ZNF648: variants seen among roughly 807,000 people sequenced by gnomAD.
ZNF648 encodes zinc finger protein 648.
A neutral mutation model predicts 0.3 loss-of-function variants in ZNF648; 1 was observed. The observed-to-expected ratio is 3.90, with a 90% CI of 1.39 to 18.51. The LOEUF (loss-of-function observed/expected upper bound fraction) is 18.51, where lower values mean the gene tolerates loss of function less well. ZNF648 is among the 30% of genes most tolerant of loss of function. The pLI is 0.11. For missense variants in ZNF648, 874 were observed against 769.7 expected (o/e 1.14, Z -1.60); for synonymous variants, 376 against 326.8 (o/e 1.15, Z -1.62).
At position 182,056,267 on chromosome 1, in the gene ZNF648, GGGAA is replaced by G; in HGVS notation, c.*33_*36del. ...CAATACCATGTGAGTGGGCCCACCT[GGGAA>G]GGTTCCAAGTAGTGAGGTCGACGAT... is the stretch of plus-strand genomic sequence containing the variant. On this transcript the variant is annotated 3_prime_UTR_variant, in exon 2 of 2. Coordinates refer to ENST00000339948, the MANE Select transcript of ZNF648 (RefSeq NM_001009992.1). The G allele has an allele frequency of 6.4e-7, 1 of 1,565,586 alleles. No homozygotes were observed. Among genetic ancestry groups the G allele is most frequent in the Non-Finnish European group, 8.7e-7 (1 of 1,154,148 alleles).
At position 182,057,076 on chromosome 1, in the gene ZNF648, C is replaced by T; in HGVS notation, c.935G>A (p.Cys312Tyr). 6.2e-7 allele frequency: 1 copy of T among 1,612,826 alleles called. No homozygotes were observed. The highest frequency in any genetic ancestry group is 8.5e-7 in the Non-Finnish European group (1 of 1,179,956). ...GGAGGACCAGGTGTAGGCCTTGTCG[C>T]AGAAGGAGCACTGGTAGGGCCGCTC... ...TGERPYQCSF[C>Y]DKAYTWSSDH... Residue 312 changes from cysteine to tyrosine, a missense_variant, in exon 2 of 2, where the codon TGC becomes TAC. Coordinates refer to ENST00000339948, the MANE Select transcript of ZNF648 (RefSeq NM_001009992.1).
the ZNF648 span, among the ~76,000 whole-genome samples, chr1:182,068,784 A>T: frequency 6.6e-6 from 1 of 151,144 alleles, no homozygotes; most frequent in Non-Finnish European, 1.5e-5. Flanking sequence ...AATTAGCTGG[A>T]TGTGGTGGCA....
At chr1:182,059,343 A>T (rs1178401282) in intron 1 of ZNF648, among the ~76,000 whole-genome samples, 5 of 152,168 alleles carry the variant, frequency 3.3e-5, no homozygotes, top group Non-Finnish European at 5.9e-5. Context: ...GCTTGAAGAC[A>T]TGGAGAAAGC....
In ZNF648 at chr1:182,056,767, G is replaced by A. The variant is rs766218745; in HGVS notation, c.1244C>T (p.Ser415Leu). The change falls in exon 2 of 2, where the codon TCG becomes TTG. Residue 415 changes from serine to leucine, a missense_variant. By Grantham distance (145) the Ser-to-Leu change is moderately radical. Transcript: ENST00000339948. ...SRMVEHQRVH[S>L]GERPFPCPTC... is the part of the protein sequence containing the mutation. ...GGGGCAGGGGAAGGGCCGCTCGCCC[G>A]AGTGCACGCGCTGGTGCTCCACCAT... 6 of 1,563,100 alleles carry A rather than the reference G, an allele frequency of 3.8e-6. No individual in the cohort carries two copies. Among genetic ancestry groups the A allele is most frequent in the South Asian group, 1.2e-5 (1 of 85,302 alleles).
intron 1 of ZNF648, among the ~76,000 whole-genome samples, chr1:182,060,577 C>T (rs908207093): frequency 6.6e-6 from 1 of 151,956 alleles, no homozygotes; most frequent in South Asian, 2.1e-4. Context: ...AGGGACCACT[C>T]CTCTTCTCTC....
At position 182,056,437 on chromosome 1, in the gene ZNF648, A is replaced by C. The variant is rs1236210712; in HGVS notation, c.1574T>G (p.Met525Arg). ...CTGGTAGGGCCTCTCTCCGTTGTGCATTCGTATGTGCTGGGCCAACTCAGA... is the reference window on the plus strand; with the variant it reads ...CTGGTAGGGCCTCTCTCCGTTGTGCCTTCGTATGTGCTGGGCCAACTCAGA... ...IASELAQHIR[M>R]HNGERPYQCE... Residue 525 changes from methionine (M) to arginine (R), a missense_variant, in exon 2 of 2, where the codon ATG becomes AGG. Physicochemically the swap from Met to Arg is moderately conservative, Grantham distance 91 (BLOSUM62 -1). Coordinates refer to ENST00000339948, the MANE Select transcript of ZNF648 (RefSeq NM_001009992.1). 6.2e-7 allele frequency: 1 copy of C among 1,614,018 alleles called. No homozygotes were observed. Among genetic ancestry groups the C allele is most frequent in the East Asian group, 2.2e-5 (1 of 44,832 alleles).
chr1:182,056,880 C>G lies in ZNF648; in HGVS notation c.1131G>C (p.Leu377=). 6.3e-7 allele frequency: 1 copy of G among 1,577,394 alleles called. No homozygotes were observed. Among genetic ancestry groups the G allele is most frequent in the Non-Finnish European group, 8.6e-7 (1 of 1,162,014 alleles). ...GCGTGCGCTGGTGGCGCAGCAGCGACAGCGGCTTGTTGAAGGTCAGGCCGC... is the reference window on the plus strand; with the variant it reads ...GCGTGCGCTGGTGGCGCAGCAGCGAGAGCGGCTTGTTGAAGGTCAGGCCGC... The part of the protein sequence containing the change: ...SECGLTFNKP[L]SLLRHQRTHL... The change falls in exon 2 of 2, where the codon CTG becomes CTC. Residue 377 remains leucine, a synonymous_variant. Transcript: ENST00000339948.
chr1:182,060,211 G>A (rs1666008724), intron 1 of ZNF648, among the ~76,000 whole-genome samples: 1 of 152,342 alleles, frequency 6.6e-6, no homozygotes. Context: ...TCAGAGCCAG[G>A]ACCCATGTTG....
chr1:182,057,661 G>C lies in ZNF648; in HGVS notation c.350C>G (p.Pro117Arg). The C allele has an allele frequency of 4.3e-6, 7 of 1,614,168 alleles. No individual in the cohort carries two copies. The highest frequency in any genetic ancestry group is 5.1e-6 in the Non-Finnish European group (6 of 1,180,030). ...GGAACCCAGAGCTCTGCTTGCTCCCGGGGAACCCTGGGTCTCGTTGATCTT... is the reference window on the plus strand; with the variant it reads ...GGAACCCAGAGCTCTGCTTGCTCCCCGGGAACCCTGGGTCTCGTTGATCTT... ...VTKINETQGSPGASRALGSLP... is the reference protein window; with the variant it reads ...VTKINETQGSRGASRALGSLP... Residue 117 changes from proline (P) to arginine (R), a missense_variant, in exon 2 of 2, where the codon CCG becomes CGG. Pro to Arg is a moderately radical substitution (Grantham distance 103). Transcript: ENST00000339948.
chr1:182,064,283 G>T (rs1018732309), upstream of ZNF648: 1 of 152,268 alleles, frequency 6.6e-6, no homozygotes, highest in African/African-American at 2.4e-5. Flanking sequence ...TCTATAAATT[G>T]CTTTGGGCAG....
In ZNF648 at chr1:182,057,386, G is replaced by GTGTA; in HGVS notation, c.621_624dup (p.Pro209TyrfsTer39). 1 of 1,613,522 alleles carries GTGTA rather than the reference G, an allele frequency of 6.2e-7. No individual in the cohort carries two copies. The highest frequency in any genetic ancestry group is 8.5e-7 in the Non-Finnish European group (1 of 1,180,004). On this transcript the variant is annotated frameshift_variant, in exon 2 of 2. Transcript: ENST00000339948. LOFTEE classifies it low-confidence loss of function (END_TRUNC). ...GCTGGGGTGGCCGACGCCTGGGCTG[G>GTGTA]TGTATGTGTCTCTTGCGTGGGAAGG...
At position 182,056,507 on chromosome 1, in the gene ZNF648, T is replaced by C; in HGVS notation, c.1504A>G (p.Lys502Glu). 1 of 1,613,974 alleles carries C rather than the reference T, an allele frequency of 6.2e-7. No homozygotes were observed. The highest frequency in any genetic ancestry group is 8.5e-7 in the Non-Finnish European group (1 of 1,179,970). Residue 502 changes from lysine (K) to glutamate (E), a missense_variant, in exon 2 of 2, where the codon AAG becomes GAG. Physicochemically the swap from Lys to Glu is moderately conservative, Grantham distance 56. Coordinates refer to ENST00000339948, the MANE Select transcript of ZNF648 (RefSeq NM_001009992.1). Reference sequence around the variant, plus strand: ...CCGCACTCGGCACAGAGGAATCCCTTCTCCCCGGAGTGGATCTGTTGGTGC... The same window carrying C: ...CCGCACTCGGCACAGAGGAATCCCTCCTCCCCGGAGTGGATCTGTTGGTGC... ...KRHQQIHSGE[K>E]GFLCAECGRA...
rs764482487 is a variant in ZNF648, at chr1:182,057,213, C to T, written c.798G>A (p.Leu266=). 1.9e-6 allele frequency: 3 copies of T among 1,567,392 alleles called. No individual in the cohort carries two copies. The highest frequency in any genetic ancestry group is 2.6e-6 in the Non-Finnish European group (3 of 1,163,062). ...GRAFQKPSKP[L]SPAETRGGAA... is the part of the protein sequence containing the mutation. ...CGCCGCCGCGCGTCTCCGCGGGGCT[C>T]AGCGGCTTGCTGGGCTTCTGAAAGG... The change falls in exon 2 of 2, where the codon CTG becomes CTA. Residue 266 remains leucine (L), a synonymous_variant. Transcript: ENST00000339948.
At position 182,056,331 on chromosome 1, in the gene ZNF648, C is replaced by T. The variant is rs1271798498; in HGVS notation, c.1680G>A (p.Glu560=). Residue 560 remains glutamate, a synonymous_variant, in exon 2 of 2, where the codon GAG becomes GAA. Coordinates refer to ENST00000339948, the MANE Select transcript of ZNF648 (RefSeq NM_001009992.1). ...HRAKHGTCKK[E]PIPSSSDE ...ACTCGTCAGAGGAGGAAGGGATGGG[C>T]TCCTTCTTGCAGGTGCCGTGCTTGG... 1.2e-6 allele frequency: 2 copies of T among 1,613,182 alleles called. No homozygotes were observed. Among genetic ancestry groups the T allele is most frequent in the Non-Finnish European group, 1.7e-6 (2 of 1,179,476 alleles).
In ZNF648 at chr1:182,056,385, G is replaced by C. The variant is rs142684092; in HGVS notation, c.1626C>G (p.Thr542=). The C allele has an allele frequency of 1.2e-6, 2 of 1,614,172 alleles. No individual in the cohort carries two copies. The highest frequency in any genetic ancestry group is 1.7e-6 in the Non-Finnish European group (2 of 1,180,022). Residue 542 remains threonine (T), a synonymous_variant, in exon 2 of 2, where the codon ACC becomes ACG. Coordinates refer to ENST00000339948, the MANE Select transcript of ZNF648 (RefSeq NM_001009992.1). ...GGTGTCGTTGGAGGTGATTGGACCT[G>C]GTGAAGGCCTGGCCGCAGTCCTCAC... ...YQCEDCGQAF[T]RSNHLQRHRA... is the part of the protein sequence containing the mutation.
upstream of ZNF648, among the ~76,000 whole-genome samples, chr1:182,066,375 A>G (rs980270652): frequency 1.3e-5 from 2 of 152,358 alleles, no homozygotes; most frequent in East Asian, 1.9e-4. Flanking sequence ...GCCAGCTGTC[A>G]TCACAGCAAT....
At chr1:182,068,597 C>T in the ZNF648 span, among the ~76,000 whole-genome samples, 1 of 152,172 alleles carries the variant, frequency 6.6e-6, no homozygotes, top group Admixed American at 6.5e-5. Context: ...AAACATTGTA[C>T]ATTGCATCAA....
At chr1:182,068,754 C>A in the ZNF648 span, among the ~76,000 whole-genome samples, 23 of 151,424 alleles carry the variant, frequency 1.5e-4, no homozygotes, top group African/African-American at 5.6e-4. Flanking sequence ...GAGACCTCAC[C>A]TTCACAAAGA....
At position 182,057,475 on chromosome 1, in the gene ZNF648, C is replaced by T; in HGVS notation, c.536G>A (p.Ser179Asn). The T allele has an allele frequency of 6.2e-7, 1 of 1,614,240 alleles. No individual in the cohort carries two copies. The highest frequency in any genetic ancestry group is 2.2e-5 in the East Asian group (1 of 44,870). ...AGAGTTCCCTGCGGACGTGTCTACA[C>T]TTTTGTGCGCACAGAGATACTTTCC... ...SNGKYLCAHK[S>N]VDTSAGNSSL... The change falls in exon 2 of 2, where the codon AGT becomes AAT. Residue 179 changes from serine to asparagine, a missense_variant. Coordinates refer to ENST00000339948, the MANE Select transcript of ZNF648 (RefSeq NM_001009992.1).
Sources: allele counts gnomAD v4.1 joint callset (sites outside exome capture counted in the v4.1 genomes callset), GRCh38; gene constraint gnomAD v4.1.1; transcripts MANE v1.5; gene names NCBI Gene and HGNC (gene_info 2026-07-23, HGNC 2026-07-21).